Variants in USP31 observed in about 807,000 individuals in gnomAD.
USP31 encodes ubiquitin carboxyl-terminal hydrolase 31.
USP31 carries 44 observed loss-of-function variants against 119.4 expected under a neutral mutation model. That is an observed-to-expected ratio of 0.37 (90% confidence interval 0.29 to 0.47). USP31 has a LOEUF of 0.47. Among genes scored for constraint, USP31 ranks in the 20% least tolerant of loss-of-function variants. The pLI is 0.99. For missense variants in USP31, 1,643 were observed against 1,730.2 expected, an observed-to-expected ratio of 0.95 and a Z score of 0.89; for synonymous variants, 749 against 705.6, an observed-to-expected ratio of 1.06 and a Z score of -0.97.
chr16:23,076,281 T>C (rs1270629076), intron 13 of USP31, among the ~76,000 whole-genome samples: 2 of 148,376 alleles, frequency 1.3e-5, no homozygotes, highest in African/African-American at 2.5e-5. Flanking sequence ...AACTTAAAAG[T>C]TGATGTTAAA....
chr16:23,080,744 C>A (rs147436313), intron 12 of USP31, among the ~76,000 whole-genome samples: 2 of 152,314 alleles, frequency 1.3e-5, no homozygotes, highest in East Asian at 3.9e-4. Context: ...GAGATAATGA[C>A]TGAATGTTTC....
At chr16:23,097,440 A>G (rs1327318457) in intron 6 of USP31, among the ~76,000 whole-genome samples, 1 of 152,202 alleles carries the variant, frequency 6.6e-6, no homozygotes, top group African/African-American at 2.4e-5. Flanking sequence ...ATTCCAATCA[A>G]CAGAAAAAGA....
chr16:23,100,495 G>A (rs4967969), intron 6 of USP31, among the ~76,000 whole-genome samples: 34,613 of 152,060 alleles, frequency 0.23, 4,759 homozygotes, highest in Admixed American at 0.31. Flanking sequence ...ATAGTGGGCC[G>A]GGTGTGGTGG....
chr16:23,105,740 TCAAA>T (rs1902073191), intron 4 of USP31, among the ~76,000 whole-genome samples, 164 bp from the exon 5 acceptor site: 1 of 152,200 alleles, frequency 6.6e-6, no homozygotes, highest in Non-Finnish European at 1.5e-5. Flanking sequence ...AGCAGAACTG[TCAAA>T]CAATCATCAA....
chr16:23,126,264 T>TAGC (rs1216991129), intron 1 of USP31, among the ~76,000 whole-genome samples: 1 of 145,284 alleles, frequency 6.9e-6, no homozygotes, highest in Non-Finnish European at 1.5e-5. Flanking sequence ...GAGGCTGCAG[T>TAGC]AAGCTGTGAT....
intron 1 of USP31, among the ~76,000 whole-genome samples, chr16:23,137,083 G>A (rs572265334): frequency 1.3e-5 from 2 of 152,224 alleles, no homozygotes; most frequent in African/African-American, 2.4e-5. Context: ...ATAGTGGCAC[G>A]CACCTGTAGT....
chr16:23,069,960 G>A (rs560116055), intron 15 of USP31, among the ~76,000 whole-genome samples: 1 of 152,226 alleles, frequency 6.6e-6, no homozygotes, highest in Non-Finnish European at 1.5e-5. Context: ...TGTCACTGCT[G>A]CATGAAAGCA....
rs1900037397 is a variant in USP31, at chr16:23,065,697, TC to T, written c.*2348del. On this transcript the variant is annotated 3_prime_UTR_variant, in exon 16 of 16. Coordinates refer to ENST00000219689, the MANE Select transcript of USP31 (RefSeq NM_020718.4). ...CCAAAGGGATTTGTAGAAACGTTTT[TC>T]CTTTTTTTTTTTAAGTCACTAGACA... 1 of 152,066 alleles carries T rather than the reference TC, an allele frequency of 6.6e-6. No homozygotes were observed. Among genetic ancestry groups the T allele is most frequent in the African/African-American group, 2.4e-5 (1 of 41,384 alleles). The allele number at this position is 152,066 out of a possible 1,614,324, so 9.4% of individuals were successfully genotyped here.
At chr16:23,089,455 G>A (rs1901256148) in intron 7 of USP31, among the ~76,000 whole-genome samples, 1 of 152,148 alleles carries the variant, frequency 6.6e-6, no homozygotes, top group African/African-American at 2.4e-5. Flanking sequence ...TGCCTGTCTT[G>A]TTCCCTGCTG....
intron 6 of USP31, 85 bp from the exon 7 acceptor site, chr16:23,090,889 A>C (rs751121731): frequency 2.2e-5 from 28 of 1,288,388 alleles, no homozygotes; most frequent in Non-Finnish European, 2.6e-5. Flanking sequence ...CAACAGAGAA[A>C]ATTTTTTTTA....
chr16:23,073,518 G>T (rs1402393083), intron 14 of USP31, among the ~76,000 whole-genome samples: 11 of 152,128 alleles, frequency 7.2e-5, no homozygotes, highest in Non-Finnish European at 1.5e-4. Flanking sequence ...TGTCCCCAGT[G>T]AACTCCACTG....
intron 1 of USP31, among the ~76,000 whole-genome samples, chr16:23,134,648 A>AT (rs1335409287): frequency 4.0e-5 from 6 of 150,932 alleles, no homozygotes; most frequent in Non-Finnish European, 8.9e-5. Flanking sequence ...AGAGGTAAAT[A>AT]TTTTAGAACA....
At chr16:23,109,756 C>G (rs1902243086) in intron 1 of USP31, among the ~76,000 whole-genome samples, 1 of 151,592 alleles carries the variant, frequency 6.6e-6, no homozygotes, top group Non-Finnish European at 1.5e-5. Context: ...AACATTTAAC[C>G]TCTGGTCTTC....
intron 1 of USP31, among the ~76,000 whole-genome samples, chr16:23,121,950 A>T (rs1050814749): frequency 6.6e-6 from 1 of 152,230 alleles, no homozygotes; most frequent in African/African-American, 2.4e-5. Context: ...ATGTCCAAAA[A>T]TAGGTTACAG....
At chr16:23,075,943 G>T (rs1156328873) in intron 13 of USP31, among the ~76,000 whole-genome samples, 1 of 152,006 alleles carries the variant, frequency 6.6e-6, no homozygotes, top group Non-Finnish European at 1.5e-5. Context: ...TAAAAATTAG[G>T]CAAGTGTGGT....
At chr16:23,082,382 G>T in intron 12 of USP31, 56 bp downstream of exon 12, 1 of 1,605,524 alleles carries the variant, frequency 6.2e-7, no homozygotes, top group Non-Finnish European at 8.5e-7. Flanking sequence ...CATCAGCAGG[G>T]GGCATAAGAA....
At chr16:23,075,015 A>G (rs1900504072) in intron 13 of USP31, among the ~76,000 whole-genome samples, 1 of 152,170 alleles carries the variant, frequency 6.6e-6, no homozygotes, top group Non-Finnish European at 1.5e-5. Flanking sequence ...GACTCCTTCA[A>G]TGGGCCATAA....
At chr16:23,113,977 C>T (rs1001458172) in intron 1 of USP31, among the ~76,000 whole-genome samples, 3 of 151,936 alleles carry the variant, frequency 2.0e-5, no homozygotes, top group Non-Finnish European at 2.9e-5. Flanking sequence ...TGGTGGTAGG[C>T]GCCTGTAATC....
At chr16:23,080,245 G>A (rs1355811091) in intron 12 of USP31, 74 bp from the exon 13 acceptor site, 4 of 1,315,692 alleles carry the variant, frequency 3.0e-6, no homozygotes, top group Non-Finnish European at 4.2e-6. Flanking sequence ...AGAGGGGAAT[G>A]TGGATCCTAT....
Sources: allele counts gnomAD v4.1 joint callset (sites outside exome capture counted in the v4.1 genomes callset), GRCh38; gene constraint gnomAD v4.1.1; transcripts MANE v1.5; gene names NCBI Gene and HGNC (gene_info 2026-07-23, HGNC 2026-07-21).